FANCA: variants seen among roughly 807,000 people sequenced by gnomAD.
FANCA encodes the protein FA complementation group A.
Under a neutral mutation model 194.3 loss-of-function variants are expected in FANCA, and 236 were observed. That is an observed-to-expected ratio of 1.21 (90% confidence interval 1.09 to 1.35). The LOEUF is 1.35. Among genes scored for constraint, FANCA ranks in the 40% most tolerant of loss-of-function variants. The probability of loss-of-function intolerance (pLI) is 0.00; values close to 1 mark genes in which losing one functional copy is unlikely to be tolerated. For missense variants in FANCA, 2,628 were observed against 1,813.9 expected (o/e 1.45, Z -8.15); for synonymous variants, 1,014 against 715.8 (o/e 1.42, Z -6.65).
intron 38 of FANCA, 125 bp downstream of exon 38, chr16:89,740,679 A>G (rs938585747): frequency 2.7e-6 from 2 of 748,194 alleles, no homozygotes; most frequent in Non-Finnish European, 4.6e-6. Context: ...GTTCTCACTC[A>G]CACTTCCGCA....
At position 89,738,633 on chromosome 16, in the gene FANCA, C is replaced by A; in HGVS notation, c.4336G>T (p.Ala1446Ser). The A allele has an allele frequency of 6.2e-7, 1 of 1,613,690 alleles. No homozygotes were observed. Among genetic ancestry groups the A allele is most frequent in the South Asian group, 1.1e-5 (1 of 91,060 alleles). Residue 1446 changes from alanine (A) to serine (S), a missense_variant, in exon 43 of 43, where the codon GCT (alanine) becomes TCT (serine). Coordinates refer to ENST00000389301, the MANE Select transcript of FANCA (RefSeq NM_000135.4). The part of the protein sequence containing the change: ...LQSRQQAAPD[A>S]DLSQEPHLF ...AGATGAGGCTCCTGGGACAGGTCAG[C>A]GTCAGGGGCAGCCTGCTGTCTGCTC...
Position 89,764,983 on chromosome 16 carries a change from G to C in FANCA, c.2685C>G (p.Pro895=). 2 of 1,614,230 alleles carry C rather than the reference G, an allele frequency of 1.2e-6. No individual in the cohort carries two copies. The highest frequency in any genetic ancestry group is 2.2e-5 in the East Asian group (1 of 44,876). The part of the protein sequence containing the change: ...EEDVASLSWR[P]LHLPSADWQR... ...GCCAGTCTGCAGAAGGAAGGTGCAA[G>C]GGTCTCCAGGAAAGGCTGGCTACGT... Residue 895 remains proline, a synonymous_variant, in exon 28 of 43, where the codon CCC becomes CCG. Transcript: ENST00000389301.
At chr16:89,777,560 C>A (rs1262427016) in intron 20 of FANCA, among the ~76,000 whole-genome samples, 3 of 150,290 alleles carry the variant, frequency 2.0e-5, no homozygotes, top group Non-Finnish European at 4.4e-5. Flanking sequence ...CCTGTCTCTA[C>A]TAAAAATACA....
At chr16:89,777,234 T>C (rs2143407612) in intron 20 of FANCA, among the ~76,000 whole-genome samples, 1 of 151,988 alleles carries the variant, frequency 6.6e-6, no homozygotes, top group East Asian at 1.9e-4. Flanking sequence ...AGATCAAGGC[T>C]GGCTGGGTGT....
rs562773671 is a variant in FANCA at position 89,816,640 on chromosome 16, G to A, written c.-25C>T. 1.3e-5 allele frequency: 19 copies of A among 1,515,544 alleles called. No individual in the cohort carries two copies. Among genetic ancestry groups the A allele is most frequent in the South Asian group, 3.7e-5 (3 of 82,122 alleles). 93.9% of individuals were successfully genotyped at this position (1,515,544 alleles called of 1,614,324 possible). ...TGGCCTTGGCGCCTACAGCCCCGGC[G>A]GCGGCTCCCTGCGCCCGAGCCCGCG... On this transcript the variant is annotated 5_prime_UTR_variant, in exon 1 of 43. Transcript: ENST00000389301.
rs140124051 is a variant in FANCA, at chr16:89,749,776, C to T, written c.3193G>A (p.Val1065Met). 23 of 1,614,068 alleles carry T rather than the reference C, an allele frequency of 1.4e-5. No homozygotes were observed. Among genetic ancestry groups the T allele is most frequent in the Admixed American group, 3.3e-5 (2 of 59,994 alleles). The change falls in exon 32 of 43, where the codon GTG becomes ATG. Residue 1065 changes from valine (V) to methionine (M), a missense_variant. Val to Met is a conservative substitution (Grantham distance 21). Coordinates refer to ENST00000389301, the MANE Select transcript of FANCA (RefSeq NM_000135.4). ...CTCTGTCTCTGAAGGCTGGCAGCCA[C>T]GCTCCACCCGCTTGTCAGAGCCTGG... Reference protein sequence around the residue: ...RLQALTSGWSVAASLQRQREL... With the variant: ...RLQALTSGWSMAASLQRQREL...
chr16:89,749,286 C>A (rs2038498935), intron 32 of FANCA, among the ~76,000 whole-genome samples: 1 of 152,218 alleles, frequency 6.6e-6, no homozygotes, highest in African/African-American at 2.4e-5. Context: ...GATCTCGGCT[C>A]ACTGAAACCT....
In FANCA at chr16:89,752,140, G is replaced by C; in HGVS notation, c.3064C>G (p.Gln1022Glu). The change falls in exon 31 of 43, where the codon CAG (glutamine) becomes GAG (glutamate). Residue 1022 changes from glutamine (Q) to glutamate (E), a missense_variant and splice_region_variant. Physicochemically the swap from Gln to Glu is conservative, Grantham distance 29. Transcript: ENST00000389301. Reference protein sequence around the residue: ...TGNEDIISRLQEMVADLELQQ... With the variant: ...TGNEDIISRLEEMVADLELQQ... ...AGTTGTGGCACCCTCAAACTCACCT[G>C]CAATCTGGAAATAATATCCTCATTT... The C allele has an allele frequency of 6.2e-7, 1 of 1,613,798 alleles. No homozygotes were observed. Among genetic ancestry groups the C allele is most frequent in the Non-Finnish European group, 8.5e-7 (1 of 1,179,778 alleles).
intron 8 of FANCA, among the ~76,000 whole-genome samples, chr16:89,801,288 G>A (rs564351062): frequency 6.8e-6 from 1 of 146,678 alleles, no homozygotes; most frequent in African/African-American, 2.5e-5. Flanking sequence ...AGCTTGCAGT[G>A]AGCCGAGATC....
chr16:89,803,197 T>C (rs2040517702), intron 8 of FANCA, 62 bp downstream of exon 8: 2 of 1,482,098 alleles, frequency 1.3e-6, no homozygotes, highest in Non-Finnish European at 1.9e-6. Context: ...GTAAATACAT[T>C]TCAACACTTG....
intron 14 of FANCA, among the ~76,000 whole-genome samples, chr16:89,786,573 T>C (rs975317284): frequency 2.6e-5 from 4 of 152,202 alleles, no homozygotes; most frequent in Non-Finnish European, 4.4e-5. Context: ...TGCCTCGGCC[T>C]TCCAAAGTGC....
chr16:89,787,446 C>G lies in FANCA; in HGVS notation c.1360-2482G>C, dbSNP rs142845235. ...GCTGTGGCAGGAGAATGGCGTGAAC[C>G]CGGGAGGTGGTTACCGTGAGCCAAG... On this transcript the variant is annotated intron_variant, in intron 14 of 42. Transcript: ENST00000389301. Among the ~76,000 whole-genome samples, 239 of 152,124 alleles carry G rather than the reference C, an allele frequency of 1.6e-3. 1 individual carries two copies. Among genetic ancestry groups the G allele is most frequent in the African/African-American group, 5.1e-3 (211 of 41,494 alleles).
Position 89,805,324 on chromosome 16 carries a change from T to C in FANCA, c.665A>G (p.Glu222Gly). Residue 222 changes from glutamate to glycine, a missense_variant, in exon 7 of 43, where the codon GAA becomes GGA. By Grantham distance (98) the Glu-to-Gly change is moderately conservative. Transcript: ENST00000389301. ...GACGTCAGCATGCTGGCAGGATGCT[T>C]CCATCTGTTCACAAAGGCAGCACAG... is the stretch of plus-strand genomic sequence containing the variant. Reference protein sequence around the residue: ...RNLCCLCEQMEASCQHADVAR... With the variant: ...RNLCCLCEQMGASCQHADVAR... 1 of 1,613,978 alleles carries C rather than the reference T, an allele frequency of 6.2e-7. No homozygotes were observed. Among genetic ancestry groups the C allele is most frequent in the Non-Finnish European group, 8.5e-7 (1 of 1,179,946 alleles).
intron 36 of FANCA, among the ~76,000 whole-genome samples, chr16:89,743,471 C>A (rs17227298): frequency 1.3e-5 from 2 of 152,180 alleles, no homozygotes; most frequent in South Asian, 2.1e-4. Context: ...TCAGGAGGAT[C>A]GCTTAAGCCC....
rs773150877 is a variant in FANCA, at chr16:89,742,907, G to A, written c.3658C>T (p.Pro1220Ser). The change falls in exon 37 of 43, where the codon CCC becomes TCC. Residue 1220 changes from proline to serine, a missense_variant. Transcript: ENST00000389301. Reference protein sequence around the residue: ...FLSPEAASPAPNPDWLSAAAL... With the variant: ...FLSPEAASPASNPDWLSAAAL... ...GCAGCTGAGAGCCAGTCCGGGTTGG[G>A]TGCTGGGGAGGCAGCCTCAGGGGAG... The A allele has an allele frequency of 7.4e-6, 12 of 1,614,034 alleles. No individual in the cohort carries two copies. Among genetic ancestry groups the A allele is most frequent in the South Asian group, 2.2e-5 (2 of 91,092 alleles).
chr16:89,761,840 G>A, intron 29 of FANCA, 109 bp downstream of exon 29: 5 of 872,020 alleles, frequency 5.7e-6, no homozygotes, highest in South Asian at 5.3e-5. Context: ...TGCCCAGGCT[G>A]ACCTCAAACT....
Position 89,816,001 on chromosome 16 carries a change from C to T in FANCA, c.80-15G>A. ...GACCCTTCCCGCTACGGAGAGAAGTCGGTTCGAAACCATCACAGCACAATT... is the reference window on the plus strand; with the variant it reads ...GACCCTTCCCGCTACGGAGAGAAGTTGGTTCGAAACCATCACAGCACAATT... On this transcript the variant is annotated splice_polypyrimidine_tract_variant and intron_variant, in intron 1 of 42. Transcript: ENST00000389301. 1 of 1,595,320 alleles carries T rather than the reference C, an allele frequency of 6.3e-7. No homozygotes were observed. The highest frequency in any genetic ancestry group is 8.6e-7 in the Non-Finnish European group (1 of 1,163,018).
chr16:89,770,073 G>C (rs887662043), intron 25 of FANCA, 49 bp from the exon 26 acceptor site: 2 of 1,596,856 alleles, frequency 1.3e-6, no homozygotes, highest in Non-Finnish European at 1.7e-6. Flanking sequence ...TTCCAAGCTG[G>C]AATTTTCCAG....
chr16:89,798,852 G>A (rs1008772474), intron 10 of FANCA: 8 of 1,519,034 alleles, frequency 5.3e-6, no homozygotes, highest in African/African-American at 1.4e-5. Flanking sequence ...AGGGAAGGAG[G>A]AGCAAGGGGA....
Sources: gnomAD v4.1 joint callset for allele counts (sites outside exome capture counted in the v4.1 genomes callset) on GRCh38, gnomAD v4.1.1 for gene constraint, MANE v1.5 for transcripts, NCBI Gene and HGNC (gene_info 2026-07-23, HGNC 2026-07-21) for gene names.